NRL: variants seen among roughly 807,000 people sequenced by gnomAD.
The protein encoded by NRL is neural retina-specific leucine zipper protein.
Under a neutral mutation model 12.5 loss-of-function variants are expected in NRL, and 16 were observed. That is an observed-to-expected ratio of 1.28 (90% CI 0.87 to 1.95). The LOEUF (loss-of-function observed/expected upper bound fraction) is 1.95. Among genes scored for constraint, NRL ranks in the 30% most tolerant of loss-of-function variants. The pLI, the probability that NRL is intolerant of heterozygous loss-of-function variation, is 0.00. For synonymous variants in NRL, 142 were observed against 150.9 expected (o/e 0.94, Z 0.43); for missense variants, 314 against 325.8 (o/e 0.96, Z 0.28).
At chr14:24,102,830 T>C in intron 1 of NRL, 1 of 1,614,068 alleles carries the variant, frequency 6.2e-7, no homozygotes, top group Non-Finnish European at 8.5e-7. Flanking sequence ...GGACCCAGCC[T>C]GGGAGGCCCC....
Position 24,078,688 on chromosome 14 carries a change from T to A in NRL, c.*2548A>T, listed in dbSNP as rs367625137. On this transcript the variant is annotated 3_prime_UTR_variant, in exon 3 of 3. Transcript: ENST00000561028. ...ATCATTACGTAGCATGTGTCAACTTTATGCTAAGTGCTTATTTAAATGCAT... is the reference window on the plus strand; with the variant it reads ...ATCATTACGTAGCATGTGTCAACTTAATGCTAAGTGCTTATTTAAATGCAT... Among the ~76,000 whole-genome samples, 1 of 152,230 alleles carries A rather than the reference T, an allele frequency of 6.6e-6. No individual in the cohort carries two copies. Among genetic ancestry groups the A allele is most frequent in the South Asian group, 2.1e-4 (1 of 4,836 alleles).
rs533781164 is a variant in NRL at position 24,103,664 on chromosome 14, G to A, written c.-28+11058C>T. ...ACTGGTTCCGGCGTGACGAGGCAGG[G>A]CACTTCCTGTGGCCAGGCTTTGGGG... On this transcript the variant is annotated intron_variant, in intron 1 of 2. Coordinates refer to ENST00000561028, the MANE Select transcript of NRL (RefSeq NM_001354768.3). 10 of 1,614,206 alleles carry A rather than the reference G, an allele frequency of 6.2e-6. No homozygotes were observed. In the South Asian group the frequency reaches 1.1e-4, roughly 18 times the overall value.
chr14:24,096,990 G>T lies in NRL; in HGVS notation c.-27-14115C>A, dbSNP rs761909085. ...GGAGATCTGGGCCAGCTTCCCACTG[G>T]CATTCGAGATTTTGTAGAGCACAGT... On this transcript the variant is annotated intron_variant, in intron 1 of 2. Coordinates refer to ENST00000561028, the MANE Select transcript of NRL (RefSeq NM_001354768.3). The T allele has an allele frequency of 1.9e-6, 3 of 1,613,304 alleles. No homozygotes were observed. In the Admixed American group the frequency reaches 5.0e-5, roughly 27 times the overall value.
At chr14:24,095,988 C>T (rs1407099556) in intron 1 of NRL, among the ~76,000 whole-genome samples, 1 of 152,200 alleles carries the variant, frequency 6.6e-6, no homozygotes, top group African/African-American at 2.4e-5. Flanking sequence ...ATTCTCTGTG[C>T]AAGAGCCCTC....
At position 24,081,827 on chromosome 14, in the gene NRL, G is replaced by A; in HGVS notation, c.382-259C>T. ...GGGCCGGCCACGGTCAGGCGAGCCC[G>A]TCGCGCACCTAAACCCCGGGCTCGT... On this transcript the variant is annotated intron_variant, in intron 2 of 2. Transcript: ENST00000561028. The surrounding 1 kb of genome is among the most constrained non-coding windows in gnomAD (Gnocchi z 4.4). 2 of 1,435,934 alleles carry A rather than the reference G, an allele frequency of 1.4e-6. No individual in the cohort carries two copies. 88.9% of individuals were successfully genotyped at this position (1,435,934 alleles called of 1,614,324 possible). A position where few individuals can be genotyped will look rare whatever the true frequency, so the allele number is the denominator to read the frequency against.
chr14:24,099,610 T>C, intron 1 of NRL: 1 of 1,613,582 alleles, frequency 6.2e-7, no homozygotes, highest in Non-Finnish European at 8.5e-7. Flanking sequence ...GCAGCCGCCT[T>C]CCCTAGTGCC....
rs1594242228 is a variant in NRL at position 24,079,703 on chromosome 14, C to T, written c.*1533G>A. Reference sequence around the variant, plus strand: ...ATATGGGAGCCTCTTCCCCCATGCCCGAAAGCTTCTCCCATTTATTATGTC... The same window carrying T: ...ATATGGGAGCCTCTTCCCCCATGCCTGAAAGCTTCTCCCATTTATTATGTC... On this transcript the variant is annotated 3_prime_UTR_variant, in exon 3 of 3. Transcript: ENST00000561028. Among the ~76,000 whole-genome samples the T allele has an allele frequency of 6.6e-6, 1 of 152,142 alleles. No homozygotes were observed. The highest frequency in any genetic ancestry group is 2.4e-5 in the African/African-American group (1 of 41,408).
chr14:24,099,711 G>C (rs2037077405), intron 1 of NRL: 1 of 1,613,942 alleles, frequency 6.2e-7, no homozygotes, highest in African/African-American at 1.3e-5. Context: ...GATGAGGTTT[G>C]ACAGTGAAGG....
intron 1 of NRL, chr14:24,093,979 CT>C (rs2036725474): frequency 1.8e-5 from 9 of 503,990 alleles, no homozygotes; most frequent in Non-Finnish European, 3.1e-5. Flanking sequence ...GGCCTCGCCC[CT>C]CGTTCCTAGC....
At chr14:24,114,593 C>A (rs2037492633) in intron 1 of NRL, 129 bp downstream of exon 1, 2 of 808,974 alleles carry the variant, frequency 2.5e-6, no homozygotes. Flanking sequence ...AGCCGTTACG[C>A]CTAGTTCGGC....
intron 1 of NRL, chr14:24,084,452 G>A (rs891246737): frequency 1.6e-5 from 11 of 669,980 alleles, no homozygotes; most frequent in African/African-American, 2.0e-5. Context: ...AGACAACAGA[G>A]AGCAGGTGTT....
At chr14:24,111,443 G>A (rs904749223) in intron 1 of NRL, among the ~76,000 whole-genome samples, 4 of 152,138 alleles carry the variant, frequency 2.6e-5, no homozygotes, top group Non-Finnish European at 2.9e-5. Flanking sequence ...GCGTGATCTC[G>A]GCTCAATGCA....
intron 1 of NRL, among the ~76,000 whole-genome samples, chr14:24,088,834 C>G (rs369637451): frequency 8.8e-5 from 11 of 124,952 alleles, no homozygotes; most frequent in African/African-American, 3.4e-4. Context: ...TTCACAGAGT[C>G]TTGCTCTGTC....
At chr14:24,095,326 C>G in intron 1 of NRL, 3 of 429,636 alleles carry the variant, frequency 7.0e-6, no homozygotes, top group South Asian at 4.8e-5. Context: ...AGACTGTGTG[C>G]TTGAAAACTG....
Position 24,087,963 on chromosome 14 carries a change from G to A in NRL, c.-27-5088C>T, listed in dbSNP as rs148523285. Among the ~76,000 whole-genome samples, 17 of 152,228 alleles carry A rather than the reference G, an allele frequency of 1.1e-4. 1 individual carries two copies. The highest frequency in any genetic ancestry group is 3.4e-3 in the Middle Eastern group (1 of 294). The stretch of plus-strand genomic sequence containing the variant: ...AGGATCAGGAGCCTGGGGAGGATGA[G>A]GGTGCAGTGGGCCATGATGGTGCCA... On this transcript the variant is annotated intron_variant, in intron 1 of 2. Coordinates refer to ENST00000561028, the MANE Select transcript of NRL (RefSeq NM_001354768.3).
chr14:24,114,764 G>C lies in NRL; in HGVS notation c.-70C>G. On this transcript the variant is annotated 5_prime_UTR_variant, in exon 1 of 3. Transcript: ENST00000561028. ...CCGCTGTCCAGTTGGCTGGCCAAGG[G>C]GGCGGGGCCGTCGTGTGACGTTTGC... The C allele has an allele frequency of 2.0e-6, 2 of 985,960 alleles. No individual in the cohort carries two copies. Among genetic ancestry groups the C allele is most frequent in the Non-Finnish European group, 2.4e-6 (2 of 829,944 alleles). The allele number at this position is 985,960 out of a possible 1,614,324, so 61.1% of individuals were successfully genotyped here.
In NRL at chr14:24,081,798, T is replaced by G; in HGVS notation, c.382-230A>C. On this transcript the variant is annotated intron_variant, in intron 2 of 2. Transcript: ENST00000561028. The surrounding 1 kb of genome is among the most constrained non-coding windows in gnomAD (Gnocchi z 4.4). ...CTCCAGTCAGGCGGGCGCCCCACGG[T>G]GCAGGGCCGGCCACGGTCAGGCGAG... 1 of 1,492,460 alleles carries G rather than the reference T, an allele frequency of 6.7e-7. No individual in the cohort carries two copies. The highest frequency in any genetic ancestry group is 1.3e-5 in the South Asian group (1 of 79,078). The allele number at this position is 1,492,460 out of a possible 1,614,324, so 92.5% of individuals were successfully genotyped here. A position where few individuals can be genotyped will look rare whatever the true frequency, so the allele number is the denominator to read the frequency against.
At chr14:24,082,437 C>G (rs1404266019) in intron 2 of NRL, 31 bp downstream of exon 2, 1 of 1,611,528 alleles carries the variant, frequency 6.2e-7, no homozygotes. Flanking sequence ...CTTGCCCTGC[C>G]TCCCCTCAGG....
intron 1 of NRL, among the ~76,000 whole-genome samples, chr14:24,106,746 A>G (rs1220083958): frequency 2.0e-5 from 3 of 151,404 alleles, no homozygotes; most frequent in Non-Finnish European, 4.4e-5. Context: ...AAATAAATAA[A>G]TTTAAAAATT....
Sources: allele counts gnomAD v4.1 joint callset (sites outside exome capture counted in the v4.1 genomes callset), GRCh38; gene constraint gnomAD v4.1.1; non-coding constraint Gnocchi (gnomAD v3.1); transcripts MANE v1.5; gene names NCBI Gene and HGNC (gene_info 2026-07-23, HGNC 2026-07-21).